The following MAD1L1 variants were observed in gnomAD, a reference collection of about 807,000 sequenced individuals.
MAD1L1 encodes the protein mitotic arrest deficient 1 like 1.
In MAD1L1, 95 loss-of-function variants were observed where a neutral mutation model predicts 96.9. The ratio of observed to expected loss-of-function variants is 0.98; its 90% CI spans 0.83 to 1.16. The LOEUF is 1.16. MAD1L1 is among the 50% of genes most tolerant of loss of function. The pLI is 0.00. For synonymous variants in MAD1L1, 473 were observed against 396.6 expected (o/e 1.19, Z -2.29); for missense variants, 1,007 against 954.4 (o/e 1.06, Z -0.73).
At chr7:1,987,569 GA>G (rs977519510) in intron 14 of MAD1L1, among the ~76,000 whole-genome samples, 1 of 152,154 alleles carries the variant, frequency 6.6e-6, no homozygotes, top group Non-Finnish European at 1.5e-5. Flanking sequence ...AGCCATCGGG[GA>G]GGGGGGGAGA....
At chr7:1,915,401 A>T (rs1041173363) in intron 17 of MAD1L1, among the ~76,000 whole-genome samples, 5 of 152,144 alleles carry the variant, frequency 3.3e-5, no homozygotes, top group African/African-American at 2.4e-5. Context: ...TTAGGGGAAA[A>T]GCCACGCGCT....
intron 17 of MAD1L1, among the ~76,000 whole-genome samples, chr7:1,936,309 G>A (rs924737441): frequency 1.3e-5 from 2 of 152,244 alleles, no homozygotes; most frequent in Non-Finnish European, 2.9e-5. Context: ...GGGCTCTCTG[G>A]ACGCCATGAA....
chr7:2,203,638 T>C (rs1001078532), intron 10 of MAD1L1, among the ~76,000 whole-genome samples: 1 of 152,160 alleles, frequency 6.6e-6, no homozygotes, highest in Non-Finnish European at 1.5e-5. Flanking sequence ...TGCAGTTCTT[T>C]AAAGTAGTTC....
intron 12 of MAD1L1, among the ~76,000 whole-genome samples, chr7:2,024,286 C>T (rs1782906557): frequency 6.6e-6 from 1 of 152,130 alleles, no homozygotes; most frequent in African/African-American, 2.4e-5. Flanking sequence ...AGACACGAAC[C>T]ACCAAAACTC....
At chr7:2,060,116 AAGATGCCG>A (rs1415508356) in intron 12 of MAD1L1, among the ~76,000 whole-genome samples, 2 of 144,790 alleles carry the variant, frequency 1.4e-5, no homozygotes, top group Admixed American at 6.8e-5. Flanking sequence ...CGCCGAAGCC[AAGATGCCG>A]AGATGTCGAG....
intron 14 of MAD1L1, among the ~76,000 whole-genome samples, chr7:2,000,049 G>A (rs1781721609): frequency 1.3e-5 from 2 of 152,122 alleles, no homozygotes; most frequent in Admixed American, 1.3e-4. Context: ...GAAACACCAT[G>A]CAGAGCAGAT....
At chr7:1,819,053 C>T (rs1206743713) in intron 18 of MAD1L1, among the ~76,000 whole-genome samples, 3 of 152,128 alleles carry the variant, frequency 2.0e-5, no homozygotes, top group Non-Finnish European at 2.9e-5. Context: ...CTCGGTCTAA[C>T]GCTCCGGCAT....
intron 12 of MAD1L1, among the ~76,000 whole-genome samples, chr7:2,038,102 C>CT (rs1783519330): frequency 6.6e-6 from 1 of 152,194 alleles, no homozygotes; most frequent in South Asian, 2.1e-4. Flanking sequence ...ACGGAGAAGT[C>CT]TGAGTGGTCT....
At chr7:1,902,469 C>T (rs55666359) in intron 17 of MAD1L1, among the ~76,000 whole-genome samples, 5,080 of 152,284 alleles carry the variant, frequency 0.033, 194 homozygotes, top group Admixed American at 0.096. Flanking sequence ...AAAAGGAAAA[C>T]GCGGTACTTT....
chr7:1,841,535 C>T (rs759744164), intron 18 of MAD1L1, among the ~76,000 whole-genome samples: 1 of 152,224 alleles, frequency 6.6e-6, no homozygotes, highest in Non-Finnish European at 1.5e-5. Flanking sequence ...CTGTGGGCCC[C>T]AGGATGAAAG....
At chr7:2,205,988 C>T (rs1315692015) in intron 10 of MAD1L1, among the ~76,000 whole-genome samples, 2 of 152,012 alleles carry the variant, frequency 1.3e-5, no homozygotes, top group African/African-American at 2.4e-5. Flanking sequence ...AAAAATTAGC[C>T]GGGTGTGGTG....
chr7:1,930,669 C>T (rs551118118), intron 17 of MAD1L1, among the ~76,000 whole-genome samples: 1 of 151,182 alleles, frequency 6.6e-6, no homozygotes, highest in East Asian at 2.0e-4. Flanking sequence ...CCCTGATTCC[C>T]CAGAGCAGGA....
At chr7:1,958,989 C>G (rs186402883) in intron 15 of MAD1L1, among the ~76,000 whole-genome samples, 4 of 152,200 alleles carry the variant, frequency 2.6e-5, no homozygotes, top group Non-Finnish European at 5.9e-5. Flanking sequence ...CGGTGGCTCA[C>G]GCCTGTAATC....
intron 17 of MAD1L1, among the ~76,000 whole-genome samples, chr7:1,919,963 C>T (rs561378039): frequency 1.7e-3 from 258 of 152,328 alleles, no homozygotes; most frequent in Non-Finnish European, 2.8e-3. Context: ...CTCCTCCAGT[C>T]CACCCAACGC....
chr7:2,172,239 A>C (rs945809411), intron 10 of MAD1L1, among the ~76,000 whole-genome samples: 2 of 152,096 alleles, frequency 1.3e-5, no homozygotes, highest in African/African-American at 4.8e-5. Flanking sequence ...CATTCTTCAC[A>C]GCCTTGCGAG....
chr7:2,005,485 A>G (rs1475197703), intron 13 of MAD1L1, among the ~76,000 whole-genome samples: 3 of 152,224 alleles, frequency 2.0e-5, no homozygotes, highest in African/African-American at 7.2e-5. Flanking sequence ...GAGGAAAAGA[A>G]GGACGGTTCT....
chr7:1,903,963 C>CG (rs1388481571), intron 17 of MAD1L1, among the ~76,000 whole-genome samples: 1 of 114,556 alleles, frequency 8.7e-6, no homozygotes, highest in African/African-American at 3.1e-5. Context: ...GACACTCTTG[C>CG]GGAACTCATG....
At chr7:2,140,432 T>TAGCTGC (rs1554392007) in intron 11 of MAD1L1, among the ~76,000 whole-genome samples, 1 of 152,182 alleles carries the variant, frequency 6.6e-6, no homozygotes, top group Non-Finnish European at 1.5e-5. Context: ...TCCGAGGCCC[T>TAGCTGC]AGCTGCAGCC....
At position 1,934,344 on chromosome 7, in the gene MAD1L1, G is replaced by A. The variant is rs563973299; in HGVS notation, c.1807+2343C>T. On this transcript the variant is annotated intron_variant, in intron 17 of 18. Transcript: ENST00000265854. The stretch of plus-strand genomic sequence containing the variant: ...CCGACCACCCGCGTGCCTGAGACGC[G>A]CAGAGACCCAGACAAGAGGTTAACG... Among the ~76,000 whole-genome samples the A allele has an allele frequency of 7.2e-5, 11 of 152,324 alleles. No homozygotes were observed. The East Asian group carries it at 9.6e-4, about 13-fold the overall frequency.
Sources: allele counts gnomAD v4.1 joint callset (sites outside exome capture counted in the v4.1 genomes callset), GRCh38; gene constraint gnomAD v4.1.1; transcripts MANE v1.5; gene names NCBI Gene and HGNC (gene_info 2026-07-23, HGNC 2026-07-21).